Variants in USP48 observed in about 807,000 individuals in gnomAD.
USP48 encodes the protein ubiquitin carboxyl-terminal hydrolase 48.
A neutral mutation model predicts 150.7 loss-of-function variants in USP48; 43 were observed. The observed-to-expected ratio is 0.29, with a 90% CI of 0.22 to 0.37. USP48 has a LOEUF of 0.37. Ranked by LOEUF, USP48 falls within the 10% of genes least tolerant of loss-of-function variation. The pLI, the probability that USP48 is intolerant of heterozygous loss-of-function variation, is 1.00. For missense variants in USP48, 813 were observed against 1,249.6 expected, an observed-to-expected ratio of 0.65 and a Z score of 5.27; for synonymous variants, 396 against 425.9, an observed-to-expected ratio of 0.93 and a Z score of 0.86.
At chr1:21,753,163 CT>C (rs750254790) in intron 3 of USP48, 44 bp from the exon 4 acceptor site, 2 of 1,565,086 alleles carry the variant, frequency 1.3e-6, no homozygotes, top group Non-Finnish European at 1.7e-6. Flanking sequence ...TAAGGTGCTA[CT>C]TTTCTTTCCA....
chr1:21,682,443 GCTTT>G (rs1425205984), intron 25 of USP48, among the ~76,000 whole-genome samples: 6 of 144,384 alleles, frequency 4.2e-5, no homozygotes, highest in Non-Finnish European at 7.5e-5. Context: ...CCTATTGTTT[GCTTT>G]TTTTTTTTGC....
rs1491189889 is a variant in USP48 at position 21,694,608 on chromosome 1, C to CAAAAA, written c.2883+457_2883+458insTTTTT. On this transcript the variant is annotated intron_variant, in intron 23 of 26. Transcript: ENST00000308271. ...AAAAAAAAAAAAAAAAAAAAAAAAA[C>CAAAAA]CCCCTCTATCTATCAAATAGATTTA... is the stretch of plus-strand genomic sequence containing the variant. Among the ~76,000 whole-genome samples, 20 of 28,984 alleles carry CAAAAA rather than the reference C, an allele frequency of 6.9e-4. 1 individual carries two copies. The highest frequency in any genetic ancestry group is 1.4e-3 in the African/African-American group (13 of 9,404). 19.0% of individuals were successfully genotyped at this position (28,984 alleles called of 152,430 possible). A position where few individuals can be genotyped will look rare whatever the true frequency, so the allele number is the denominator to read the frequency against.
intron 14 of USP48, 78 bp from the exon 15 acceptor site, chr1:21,715,535 G>T: frequency 9.5e-6 from 8 of 840,038 alleles, no homozygotes; most frequent in Non-Finnish European, 1.5e-5. Context: ...ATACTACTCT[G>T]CACAATTTGG....
Position 21,727,542 on chromosome 1 carries a change from C to T in USP48, c.1450+1028G>A, listed in dbSNP as rs181719106. Reference sequence around the variant, plus strand: ...CTCTTGCCCAGTGGACACAGGAAACCGTGAATAAAGTTTGGAAAATAGATT... The same window carrying T: ...CTCTTGCCCAGTGGACACAGGAAACTGTGAATAAAGTTTGGAAAATAGATT... On this transcript the variant is annotated intron_variant, in intron 11 of 26. Transcript: ENST00000308271. Among the ~76,000 whole-genome samples the T allele has an allele frequency of 5.3e-4, 80 of 152,230 alleles. 1 individual carries two copies. The highest frequency in any genetic ancestry group is 2.4e-3 in the Admixed American group (36 of 15,282).
chr1:21,682,668 A>G (rs2097569329), intron 25 of USP48, among the ~76,000 whole-genome samples: 1 of 151,964 alleles, frequency 6.6e-6, no homozygotes, highest in Non-Finnish European at 1.5e-5. Context: ...TGAGGTCACG[A>G]GTTCCAGAGC....
chr1:21,729,708 A>C lies in USP48; in HGVS notation c.1296T>G (p.Val432=). Residue 432 remains valine (V), a synonymous_variant, in exon 10 of 27, where the codon GTT becomes GTG. Transcript: ENST00000308271. ...AATCCTGGAAAACTGCTTTACCTGG[A>C]ACTTGAACAGTAGTGTTGGGCTTTT... The part of the protein sequence containing the change: ...TQEKPNTTVQ[V]PAFLQELVDR... The C allele has an allele frequency of 6.2e-7, 1 of 1,613,620 alleles. No individual in the cohort carries two copies. The highest frequency in any genetic ancestry group is 8.5e-7 in the Non-Finnish European group (1 of 1,179,646).
chr1:21,719,759 C>T (rs572972966), intron 14 of USP48, among the ~76,000 whole-genome samples: 50 of 152,034 alleles, frequency 3.3e-4, no homozygotes, highest in Admixed American at 6.6e-4. Context: ...CCCAGCTACT[C>T]GGGAGGCTGA....
intron 21 of USP48, among the ~76,000 whole-genome samples, chr1:21,702,495 TGGAAGAGG>T (rs1198443905): frequency 6.6e-6 from 1 of 151,822 alleles, no homozygotes; most frequent in Admixed American, 6.6e-5. Context: ...TGCAGGTCAA[TGGAAGAGG>T]CTCTAACTGA....
chr1:21,719,518 G>C (rs549544241), intron 14 of USP48, among the ~76,000 whole-genome samples: 2 of 152,302 alleles, frequency 1.3e-5, no homozygotes, highest in African/African-American at 4.8e-5. Flanking sequence ...GGGAAGCCAA[G>C]GTGGGAGGAT....
chr1:21,682,357 C>T (rs749074844), intron 25 of USP48, among the ~76,000 whole-genome samples: 4 of 152,114 alleles, frequency 2.6e-5, no homozygotes, highest in African/African-American at 4.8e-5. Flanking sequence ...TATATCAAAC[C>T]CAGGGTACCA....
chr1:21,722,393 G>T (rs928237056), intron 12 of USP48, among the ~76,000 whole-genome samples: 17 of 148,288 alleles, frequency 1.1e-4, no homozygotes, highest in African/African-American at 4.0e-4. Flanking sequence ...GTAAAAATTA[G>T]CAAGCCATGG....
intron 14 of USP48, among the ~76,000 whole-genome samples, chr1:21,719,093 C>G (rs1180383626): frequency 6.6e-6 from 1 of 151,058 alleles, no homozygotes; most frequent in Admixed American, 6.6e-5. Context: ...TGGTGAAACC[C>G]CATCTCCACT....
At chr1:21,680,453 T>A (rs977376859) in intron 26 of USP48, among the ~76,000 whole-genome samples, 1 of 152,244 alleles carries the variant, frequency 6.6e-6, no homozygotes, top group Non-Finnish European at 1.5e-5. Context: ...AGTTACACAC[T>A]GTTTTGCTCT....
intron 8 of USP48, among the ~76,000 whole-genome samples, chr1:21,746,015 A>G (rs1048428463): frequency 1.3e-5 from 2 of 152,186 alleles, no homozygotes; most frequent in Admixed American, 6.5e-5. Context: ...GAAAGCTTAC[A>G]TATTTATTTA....
chr1:21,763,022 G>A (rs541340866), intron 1 of USP48, among the ~76,000 whole-genome samples: 3 of 152,190 alleles, frequency 2.0e-5, no homozygotes, highest in Admixed American at 6.6e-5. Flanking sequence ...AGACAATGAA[G>A]AAAAGGTAGG....
chr1:21,702,786 A>G (rs2097660917), intron 21 of USP48, among the ~76,000 whole-genome samples: 1 of 152,200 alleles, frequency 6.6e-6, no homozygotes, highest in African/African-American at 2.4e-5. Flanking sequence ...GTAGCTATTT[A>G]ATTTTAAATC....
rs115619370 is a variant in USP48 at position 21,782,286 on chromosome 1, G to C, written c.134+538C>G. Reference sequence around the variant, plus strand: ...ACTTGGTACTCGGTAAACTGGTGTCGAACCAGAACGACCAAAGAAAGGCTT... The same window carrying C: ...ACTTGGTACTCGGTAAACTGGTGTCCAACCAGAACGACCAAAGAAAGGCTT... On this transcript the variant is annotated intron_variant, in intron 1 of 26. Transcript: ENST00000308271. Among the ~76,000 whole-genome samples the C allele has an allele frequency of 6.2e-3, 937 of 152,172 alleles. 9 individuals carry two copies. Among genetic ancestry groups the C allele is most frequent in the African/African-American group, 0.021 (880 of 41,504 alleles).
chr1:21,703,843 T>C (rs576464052), intron 20 of USP48, among the ~76,000 whole-genome samples: 1 of 152,312 alleles, frequency 6.6e-6, no homozygotes, highest in East Asian at 1.9e-4. Context: ...GCCATGCTCC[T>C]GACTCAGCCT....
At chr1:21,774,411 G>C (rs978836009) in intron 1 of USP48, among the ~76,000 whole-genome samples, 1 of 151,612 alleles carries the variant, frequency 6.6e-6, no homozygotes, top group Non-Finnish European at 1.5e-5. Flanking sequence ...GAATAGGACC[G>C]GTCGCAGTGG....
Sources: allele counts gnomAD v4.1 joint callset (sites outside exome capture counted in the v4.1 genomes callset), GRCh38; gene constraint gnomAD v4.1.1; transcripts MANE v1.5; gene names NCBI Gene and HGNC (gene_info 2026-07-23, HGNC 2026-07-21).